The following WIZ variants were observed in gnomAD, a reference collection of about 807,000 sequenced individuals.
WIZ encodes protein Wiz.
Under a neutral mutation model 140.2 loss-of-function variants are expected in WIZ, and 25 were observed. That is an observed-to-expected ratio of 0.18 (90% confidence interval 0.13 to 0.25). The LOEUF (loss-of-function observed/expected upper bound fraction) is 0.25. Ranked by LOEUF, WIZ falls within the 10% of genes least tolerant of loss-of-function variation. The pLI is 1.00. For missense variants in WIZ, 2,231 were observed against 2,632.6 expected (o/e 0.85, Z 3.34); for synonymous variants, 1,125 against 1,154.3 (o/e 0.97, Z 0.51).
At chr19:15,430,704 G>A (rs1395469002) in intron 6 of WIZ, among the ~76,000 whole-genome samples, 1 of 152,076 alleles carries the variant, frequency 6.6e-6, no homozygotes, top group Non-Finnish European at 1.5e-5. Context: ...TCATGCGAGA[G>A]ACTGCACAGC....
At chr19:15,431,736 G>T (rs1261649805) in intron 5 of WIZ, among the ~76,000 whole-genome samples, 1 of 152,234 alleles carries the variant, frequency 6.6e-6, no homozygotes, top group Non-Finnish European at 1.5e-5. Context: ...GGCCCTAAGT[G>T]GGGTAAGGTG....
rs1252485425 is a variant in WIZ, at chr19:15,421,842, C to T, written c.*1234G>A. 6.6e-6 allele frequency: 1 copy of T among 152,280 alleles called. No individual in the cohort carries two copies. The highest frequency in any genetic ancestry group is 1.5e-5 in the Non-Finnish European group (1 of 68,104). 9.4% of individuals were successfully genotyped at this position (152,280 alleles called of 1,614,324 possible). A position where few individuals can be genotyped will look rare whatever the true frequency, so the allele number is the denominator to read the frequency against. The stretch of plus-strand genomic sequence containing the variant: ...CCTTCCCAGACAGGCTGCCCAGAAC[C>T]CTGGTTCATCTGCTCACTGGAGCCG... On this transcript the variant is annotated 3_prime_UTR_variant, in exon 13 of 13. Transcript: ENST00000673675.
intron 5 of WIZ, chr19:15,432,366 G>A: frequency 1.1e-6 from 1 of 905,260 alleles, no homozygotes; most frequent in Non-Finnish European, 1.3e-6. Flanking sequence ...AGGCGTCGGG[G>A]GCGGCGGCAC....
rs1969610890 is a variant in WIZ, at chr19:15,438,793, G to A, written c.2201C>T (p.Thr734Ile). 1.3e-6 allele frequency: 2 copies of A among 1,528,706 alleles called. No homozygotes were observed. The highest frequency in any genetic ancestry group is 2.7e-5 in the African/African-American group (2 of 73,034). 94.7% of individuals were successfully genotyped at this position (1,528,706 alleles called of 1,614,324 possible). The change falls in exon 4 of 13, where the codon ACA becomes ATA. Residue 734 changes from threonine to isoleucine, a missense_variant. This residue lies in a region of WIZ where 118 missense variants were observed against 209.1 expected (regional missense o/e 0.56). Coordinates refer to ENST00000673675, the MANE Select transcript of WIZ (RefSeq NM_001371589.1). The part of the protein sequence containing the change: ...APLGGPLGLD[T>I]LLDGDPAMAL... ...CATGGCCGGATCCCCATCCAGGAGT[G>A]TGTCCAGCCCCAGCGGGCCGCCCAG...
chr19:15,435,154 G>C (rs538594070), intron 5 of WIZ, among the ~76,000 whole-genome samples: 1 of 151,838 alleles, frequency 6.6e-6, no homozygotes, highest in African/African-American at 2.4e-5. Flanking sequence ...GGCAGCGGAG[G>C]CTGCAGTGAG....
intron 6 of WIZ, among the ~76,000 whole-genome samples, chr19:15,430,446 A>T (rs1314025401): frequency 6.6e-6 from 1 of 152,126 alleles, no homozygotes; most frequent in South Asian, 2.1e-4. Context: ...TGCCTCACTG[A>T]ACTAAGTTCT....
intron 2 of WIZ, among the ~76,000 whole-genome samples, chr19:15,447,647 T>A (rs1382815519): frequency 3.9e-5 from 6 of 152,154 alleles, no homozygotes; most frequent in Non-Finnish European, 8.8e-5. Flanking sequence ...GTAGCCAGCA[T>A]CGCTGACTAC....
chr19:15,443,837 G>A (rs1421945154), intron 2 of WIZ, among the ~76,000 whole-genome samples: 1 of 152,148 alleles, frequency 6.6e-6, no homozygotes, highest in Non-Finnish European at 1.5e-5. Flanking sequence ...GCTGCAGAGA[G>A]CCCATCCCTG....
Position 15,442,299 on chromosome 19 carries a change from T to A in WIZ, c.278+377A>T, listed in dbSNP as rs1171461459. ...CTGCTCTCACCCAATGCCCCTTGGA[T>A]CCTCAAGGCGAATTCATGAGATGCA... On this transcript the variant is annotated intron_variant, in intron 3 of 12. Coordinates refer to ENST00000673675, the MANE Select transcript of WIZ (RefSeq NM_001371589.1). This position sits in a 1 kb window ranked among gnomAD's most constrained non-coding sequence, Gnocchi z 5.5. Among the ~76,000 whole-genome samples the A allele has an allele frequency of 6.6e-6, 1 of 152,058 alleles. No homozygotes were observed. Among genetic ancestry groups the A allele is most frequent in the Non-Finnish European group, 1.5e-5 (1 of 67,998 alleles).
chr19:15,428,558 C>T lies in WIZ; in HGVS notation c.3416-50G>A. The T allele has an allele frequency of 6.5e-7, 1 of 1,534,526 alleles. No individual in the cohort carries two copies. The highest frequency in any genetic ancestry group is 1.2e-5 in the South Asian group (1 of 83,932). On this transcript the variant is annotated intron_variant, in intron 7 of 12. Coordinates refer to ENST00000673675, the MANE Select transcript of WIZ (RefSeq NM_001371589.1). This position sits in a 1 kb window ranked among gnomAD's most constrained non-coding sequence, Gnocchi z 6.4. ...GTTCACGGCCGCCACCTTGGCCGGC[C>T]TTGGGGGCCTGAGGTAGGAGGGTCT...
chr19:15,427,417 C>T lies in WIZ; in HGVS notation c.3931G>A (p.Glu1311Lys), dbSNP rs749432380. Residue 1311 changes from glutamate (E) to lysine (K), a missense_variant, in exon 9 of 13, where the codon GAG (glutamate) becomes AAG (lysine). Around this residue, in one of 15 missense-constraint regions of WIZ, gnomAD observed 393 missense variants for 451.7 expected, o/e 0.87. Transcript: ENST00000673675. This position sits in a 1 kb window ranked among gnomAD's most constrained non-coding sequence, Gnocchi z 6.4. ...RSHLRQMGVT[E>K]WYVNGSPIDT... The stretch of plus-strand genomic sequence containing the variant: ...ATGGGCGAGCCATTGACGTACCACT[C>T]GGTCACGCCCATTTGCCGCAGATGG... 4 of 1,613,732 alleles carry T rather than the reference C, an allele frequency of 2.5e-6. No individual in the cohort carries two copies. Among genetic ancestry groups the T allele is most frequent in the South Asian group, 2.2e-5 (2 of 91,082 alleles).
chr19:15,423,253 G>C lies in WIZ; in HGVS notation c.5511-18C>G. 6.2e-7 allele frequency: 1 copy of C among 1,612,514 alleles called. No individual in the cohort carries two copies. The highest frequency in any genetic ancestry group is 8.5e-7 in the Non-Finnish European group (1 of 1,179,616). On this transcript the variant is annotated intron_variant, in intron 12 of 12. Coordinates refer to ENST00000673675, the MANE Select transcript of WIZ (RefSeq NM_001371589.1). Reference sequence around the variant, plus strand: ...CACAGAACCTGCATGGGGGAACAGAGAGAGGGAGTGGCCAGTGCTGTGAGG... The same window carrying C: ...CACAGAACCTGCATGGGGGAACAGACAGAGGGAGTGGCCAGTGCTGTGAGG...
chr19:15,448,352 G>A lies in WIZ; in HGVS notation c.-45C>T, dbSNP rs1969992573. 1 of 1,602,976 alleles carries A rather than the reference G, an allele frequency of 6.2e-7. No homozygotes were observed. On this transcript the variant is annotated 5_prime_UTR_variant, in exon 2 of 13. Transcript: ENST00000673675. ...TCCACTCAGCTGCTGCACCGGCTCA[G>A]CGGGGCATTGTGGGCCTGGGGATAG...
In WIZ at chr19:15,447,330, C is replaced by A. The variant is rs796252068; in HGVS notation, c.205+773G>T. 1.7e-4 allele frequency among the ~76,000 whole-genome samples: 26 copies of A among 152,330 alleles called. 1 individual carries two copies. The highest frequency in any genetic ancestry group is 6.3e-4 in the African/African-American group (26 of 41,584). ...CCCACCATTCACTCCATGCTCCATT[C>A]AAATGCCACTCTATCAGGGAGGGTC... On this transcript the variant is annotated intron_variant, in intron 2 of 12. Transcript: ENST00000673675.
At chr19:15,437,256 C>T in intron 4 of WIZ, 127 bp from the exon 5 acceptor site, 1 of 902,108 alleles carries the variant, frequency 1.1e-6, no homozygotes, top group Non-Finnish European at 1.6e-6. Context: ...TTGCTCCTGC[C>T]TGCTCCTCAG....
intron 2 of WIZ, among the ~76,000 whole-genome samples, chr19:15,447,491 G>T (rs1969959646): frequency 6.6e-6 from 1 of 152,220 alleles, no homozygotes; most frequent in Non-Finnish European, 1.5e-5. Flanking sequence ...TTGAGGGCAG[G>T]AATTCTTGCC....
At chr19:15,443,606 A>G (rs1302514729) in intron 2 of WIZ, among the ~76,000 whole-genome samples, 2 of 151,898 alleles carry the variant, frequency 1.3e-5, no homozygotes, top group African/African-American at 2.4e-5. Flanking sequence ...AGCCCCTATG[A>G]TTTTCTCTCT....
At chr19:15,429,008 G>T (rs956328836) in intron 7 of WIZ, among the ~76,000 whole-genome samples, 2 of 152,216 alleles carry the variant, frequency 1.3e-5, no homozygotes, top group African/African-American at 4.8e-5. Context: ...GCCTGATGTT[G>T]TAAGGGACGT....
chr19:15,438,470 G>A (rs1969597713), intron 4 of WIZ, 108 bp downstream of exon 4: 1 of 1,283,308 alleles, frequency 7.8e-7, no homozygotes, highest in East Asian at 2.6e-5. Flanking sequence ...TCTCTCAGGA[G>A]CAGAGGCCCC....
Sources: allele counts gnomAD v4.1 joint callset (sites outside exome capture counted in the v4.1 genomes callset), GRCh38; gene constraint gnomAD v4.1.1; regional missense constraint gnomAD v4.1.1; non-coding constraint Gnocchi (gnomAD v3.1); transcripts MANE v1.5; gene names NCBI Gene and HGNC (gene_info 2026-07-23, HGNC 2026-07-21).